GPT2: variants seen among roughly 807,000 people sequenced by gnomAD.
GPT2 encodes the protein glutamic--pyruvic transaminase 2.
Under a neutral mutation model 56.9 loss-of-function variants are expected in GPT2, and 30 were observed. The ratio of observed to expected loss-of-function variants is 0.53; its 90% CI spans 0.39 to 0.72. The LOEUF is 0.72. GPT2 is among the 30% of genes least tolerant of loss of function. The probability of loss-of-function intolerance (pLI) is 0.00; values close to 1 mark genes in which losing one functional copy is unlikely to be tolerated. For synonymous variants in GPT2, 271 were observed against 283.1 expected, an observed-to-expected ratio of 0.96 and a Z score of 0.43; for missense variants, 542 against 703.4, an observed-to-expected ratio of 0.77 and a Z score of 2.60.
rs368258194 is a variant in GPT2 at position 46,900,812 on chromosome 16, C to G, written c.442+22C>G. ...CTGGGTGAGGCCCCAACTTGCCAGG[C>G]CCCTAGGCGTGAAATGAATGAGTGT... On this transcript the variant is annotated intron_variant, in intron 4 of 11. Coordinates refer to ENST00000340124, the MANE Select transcript of GPT2 (RefSeq NM_133443.4). The G allele has an allele frequency of 3.1e-6, 5 of 1,599,364 alleles. No homozygotes were observed. In the African/African-American group the frequency reaches 6.7e-5, roughly 21 times the overall value.
At chr16:46,919,255 T>C (rs1175972356) in intron 8 of GPT2, among the ~76,000 whole-genome samples, 2 of 152,060 alleles carry the variant, frequency 1.3e-5, no homozygotes, top group African/African-American at 4.8e-5. Flanking sequence ...GCACCGCGGA[T>C]GCCGCAGCGA....
intron 6 of GPT2, chr16:46,915,226 C>A: frequency 6.6e-6 from 1 of 152,278 alleles, no homozygotes; most frequent in South Asian, 2.1e-4. Flanking sequence ...CTCCCTGCTC[C>A]TTATGATGCT....
intron 9 of GPT2, chr16:46,924,130 T>G (rs1961350712): frequency 2.0e-6 from 1 of 501,960 alleles, no homozygotes; most frequent in Non-Finnish European, 3.7e-6. Flanking sequence ...TCACACAAGC[T>G]CTTCTTTGGT....
chr16:46,887,696 G>A (rs1960511041), intron 2 of GPT2, among the ~76,000 whole-genome samples: 3 of 152,114 alleles, frequency 2.0e-5, no homozygotes, highest in Non-Finnish European at 4.4e-5. Flanking sequence ...TGGTACCAAG[G>A]CCTTCATGCT....
At position 46,884,393 on chromosome 16, in the gene GPT2, T is replaced by G; in HGVS notation, c.-97T>G. The G allele has an allele frequency of 1.0e-5, 2 of 194,476 alleles. No homozygotes were observed. The highest frequency in any genetic ancestry group is 2.1e-5 in the Non-Finnish European group (2 of 95,882). The allele number at this position is 194,476 out of a possible 1,614,324, so 12.0% of individuals were successfully genotyped here. On this transcript the variant is annotated 5_prime_UTR_variant, in exon 1 of 12. Coordinates refer to ENST00000340124, the MANE Select transcript of GPT2 (RefSeq NM_133443.4). ...GGCGCCGGGCGCGGGGATGCGGCTG[T>G]GGGCGCCGGGGCCGGGTAGCTGCTC...
intron 4 of GPT2, 128 bp from the exon 5 acceptor site, chr16:46,906,714 G>T: frequency 8.2e-7 from 1 of 1,218,380 alleles, no homozygotes; most frequent in Non-Finnish European, 1.2e-6. Flanking sequence ...CAAAGCAATG[G>T]GAGTTGGGCC....
chr16:46,924,430 G>T lies in GPT2; in HGVS notation c.1254G>T (p.Lys418Asn). Residue 418 changes from lysine (K) to asparagine (N), a missense_variant, in exon 10 of 12, where the codon AAG (lysine) becomes AAT (asparagine). Coordinates refer to ENST00000340124, the MANE Select transcript of GPT2 (RefSeq NM_133443.4). ...SVLGNLAKKAKLTEDLFNQVP... is the reference protein window; with the variant it reads ...SVLGNLAKKANLTEDLFNQVP... ...TGGGTAATCTGGCCAAAAAAGCAAA[G>T]CTGACGGAAGACCTGTTTAACCAAG... 2 of 1,614,232 alleles carry T rather than the reference G, an allele frequency of 1.2e-6. No individual in the cohort carries two copies. Among genetic ancestry groups the T allele is most frequent in the African/African-American group, 2.7e-5 (2 of 75,058 alleles).
At chr16:46,923,544 G>A (rs1267483341) in intron 9 of GPT2, among the ~76,000 whole-genome samples, 1 of 152,216 alleles carries the variant, frequency 6.6e-6, no homozygotes, top group Non-Finnish European at 1.5e-5. Flanking sequence ...GTCCATCTGT[G>A]TTGTGGCCCG....
chr16:46,884,993 C>A (rs993999236), intron 2 of GPT2, 35 bp downstream of exon 2: 3 of 1,439,234 alleles, frequency 2.1e-6, no homozygotes, highest in African/African-American at 3.0e-5. Context: ...AGGCTGGGGC[C>A]GCTGAGCAAG....
intron 6 of GPT2, chr16:46,916,368 T>C: frequency 3.3e-6 from 1 of 304,944 alleles, no homozygotes; most frequent in Non-Finnish European, 6.1e-6. Context: ...AAAAAAAAAA[T>C]AAGAGAGCCA....
At chr16:46,900,104 C>T (rs139382868) in intron 3 of GPT2, among the ~76,000 whole-genome samples, 4 of 152,310 alleles carry the variant, frequency 2.6e-5, no homozygotes, top group East Asian at 1.9e-4. Context: ...CTCAACTTGC[C>T]GGGCGAGCTG....
At chr16:46,911,969 A>G (rs536350272) in intron 6 of GPT2, among the ~76,000 whole-genome samples, 86 of 152,366 alleles carry the variant, frequency 5.6e-4, no homozygotes, top group African/African-American at 1.7e-3. Flanking sequence ...ATATATTGAC[A>G]TAAGTAATTT....
At chr16:46,885,107 C>T in intron 2 of GPT2, 149 bp downstream of exon 2, 1 of 1,350,986 alleles carries the variant, frequency 7.4e-7, no homozygotes, top group East Asian at 3.0e-5. Flanking sequence ...AATGCCCCCT[C>T]CCGCCCGTTC....
At chr16:46,915,675 C>G (rs764567617) in intron 6 of GPT2, 1 of 148,092 alleles carries the variant, frequency 6.8e-6, no homozygotes, top group Non-Finnish European at 1.5e-5. Context: ...AGACACACCT[C>G]AACACACCTA....
chr16:46,921,523 TG>T (rs1961287443), intron 8 of GPT2, among the ~76,000 whole-genome samples: 1 of 151,956 alleles, frequency 6.6e-6, no homozygotes, highest in African/African-American at 2.4e-5. Context: ...GCTCTGAGGC[TG>T]GGGGTGGGGG....
intron 8 of GPT2, among the ~76,000 whole-genome samples, chr16:46,919,533 C>T (rs1380023651): frequency 6.6e-6 from 1 of 152,234 alleles, no homozygotes; most frequent in African/African-American, 2.4e-5. Context: ...AGCACACCTG[C>T]TGTGCTGGCA....
chr16:46,891,967 G>C (rs1189241273), intron 2 of GPT2, among the ~76,000 whole-genome samples: 1 of 143,484 alleles, frequency 7.0e-6, no homozygotes, highest in Non-Finnish European at 1.5e-5. Context: ...CCATCTTCAC[G>C]AGTTCAGTTT....
At chr16:46,903,888 G>A (rs139343362) in intron 4 of GPT2, among the ~76,000 whole-genome samples, 2 of 152,320 alleles carry the variant, frequency 1.3e-5, no homozygotes, top group African/African-American at 2.4e-5. Flanking sequence ...ATGAGATCTC[G>A]GAGAGAGCTG....
intron 4 of GPT2, 88 bp downstream of exon 4, chr16:46,900,878 G>A (rs900053335): frequency 1.4e-5 from 14 of 1,025,696 alleles, no homozygotes; most frequent in Admixed American, 1.9e-5. Context: ...TCCTGCATGC[G>A]AATGGGTGTG....
Sources: gnomAD v4.1 joint callset for allele counts (sites outside exome capture counted in the v4.1 genomes callset) on GRCh38, gnomAD v4.1.1 for gene constraint, MANE v1.5 for transcripts, NCBI Gene and HGNC (gene_info 2026-07-23, HGNC 2026-07-21) for gene names.